Variants in ENPP1 observed in about 807,000 individuals in gnomAD.
The protein encoded by ENPP1 is ectonucleotide pyrophosphatase/phosphodiesterase family member 1.
Under a neutral mutation model 122.8 loss-of-function variants are expected in ENPP1, and 73 were observed. That is an observed-to-expected ratio of 0.59 (90% CI 0.49 to 0.72). The LOEUF (loss-of-function observed/expected upper bound fraction) is 0.72. Ranked by LOEUF, ENPP1 falls within the 30% of genes least tolerant of loss-of-function variation. The probability of loss-of-function intolerance (pLI) is 0.00; values close to 1 mark genes in which losing one functional copy is unlikely to be tolerated. For synonymous variants in ENPP1, 367 were observed against 391.6 expected (o/e 0.94, Z 0.74); for missense variants, 978 against 1,128.1 (o/e 0.87, Z 1.91).
Position 131,890,420 on chromosome 6 carries a change from C to G in ENPP1, c.2687C>G (p.Thr896Ser). The G allele has an allele frequency of 1.9e-6, 3 of 1,612,340 alleles. No individual in the cohort carries two copies. Among genetic ancestry groups the G allele is most frequent in the South Asian group, 2.2e-5 (2 of 91,034 alleles). ...RARITDVEHI[T>S]GLSFYQQRKE... is the part of the protein sequence containing the mutation. ...CGGATCACAGATGTTGAGCACATCA[C>G]TGGACTCAGCTTCTATCAACAAAGA... Residue 896 changes from threonine to serine, a missense_variant, in exon 25 of 25, where the codon ACT (threonine) becomes AGT (serine). Thr to Ser is a moderately conservative substitution (Grantham distance 58, BLOSUM62 1). This residue lies in a region of ENPP1 where 644 missense variants were observed against 781.5 expected (regional missense o/e 0.82). Coordinates refer to ENST00000647893, the MANE Select transcript of ENPP1 (RefSeq NM_006208.3).
Position 131,883,766 on chromosome 6 carries a change from G to T in ENPP1, c.2303G>T (p.Ser768Ile). 6.8e-7 allele frequency: 1 copy of T among 1,469,710 alleles called. No homozygotes were observed. Among genetic ancestry groups the T allele is most frequent in the Non-Finnish European group, 9.5e-7 (1 of 1,049,268 alleles). The allele number at this position is 1,469,710 out of a possible 1,614,324, so 91.0% of individuals were successfully genotyped here. A position where few individuals can be genotyped will look rare whatever the true frequency, so the allele number is the denominator to read the frequency against. Reference protein sequence around the residue: ...LTTNIVPMYQSFQVIWRYFHD... With the variant: ...LTTNIVPMYQIFQVIWRYFHD... Reference sequence around the variant, plus strand: ...ACAAATATAGTGCCAATGTACCAGAGTTTTCAAGGTAAATAATGTTAACTC... The same window carrying T: ...ACAAATATAGTGCCAATGTACCAGATTTTTCAAGGTAAATAATGTTAACTC... The change falls in exon 22 of 25, where the codon AGT becomes ATT. Residue 768 changes from serine to isoleucine, a missense_variant. Ser to Ile is a moderately radical substitution (Grantham distance 142, BLOSUM62 -2). Around this residue, in one of 3 missense-constraint regions of ENPP1, gnomAD observed 644 missense variants for 781.5 expected, o/e 0.82. Transcript: ENST00000647893.
intron 1 of ENPP1, among the ~76,000 whole-genome samples, chr6:131,842,178 G>A (rs954020266): frequency 3.3e-5 from 5 of 152,144 alleles, no homozygotes; most frequent in African/African-American, 1.2e-4. Context: ...TCTGTCTTGT[G>A]ATGTTATAGT....
In ENPP1 at chr6:131,868,159, A is replaced by G; in HGVS notation, c.1273+33A>G. 3 of 1,460,306 alleles carry G rather than the reference A, an allele frequency of 2.1e-6. 1 individual carries two copies. Among genetic ancestry groups the G allele is most frequent in the Non-Finnish European group, 1.9e-6 (2 of 1,040,212 alleles). The allele number at this position is 1,460,306 out of a possible 1,614,324, so 90.5% of individuals were successfully genotyped here. ...GAATTTGCATTATTTACTCTTCAGG[A>G]TAAAGGGCTGAAGAAAGTTTACTTG... is the stretch of plus-strand genomic sequence containing the variant. On this transcript the variant is annotated intron_variant, in intron 12 of 24. Coordinates refer to ENST00000647893, the MANE Select transcript of ENPP1 (RefSeq NM_006208.3).
chr6:131,864,718 G>C, intron 10 of ENPP1, 147 bp downstream of exon 10: 1 of 810,078 alleles, frequency 1.2e-6, no homozygotes, highest in Non-Finnish European at 2.1e-6. Flanking sequence ...ACCACATTTT[G>C]AAGAATTTCA....
Position 131,854,930 on chromosome 6 carries a change from GA to G in ENPP1, c.625del (p.Thr209ArgfsTer30), listed in dbSNP as rs766216956. ...INEPQCPAGF[E>X]TPPTLLFSLD... The stretch of plus-strand genomic sequence containing the variant: ...TTTTTCTTTTTCATTACCCAGGTTT[GA>G]AACGCCTCCTACCCTCTTATTTTCT... On this transcript the variant is annotated frameshift_variant, in exon 6 of 25. Coordinates refer to ENST00000647893, the MANE Select transcript of ENPP1 (RefSeq NM_006208.3). LOFTEE classifies it high-confidence loss of function. The G allele has an allele frequency of 6.2e-7, 1 of 1,611,194 alleles. No individual in the cohort carries two copies. The highest frequency in any genetic ancestry group is 1.1e-5 in the South Asian group (1 of 91,018).
At chr6:131,837,563 A>T (rs1196257186) in intron 1 of ENPP1, among the ~76,000 whole-genome samples, 1 of 151,574 alleles carries the variant, frequency 6.6e-6, no homozygotes, top group Non-Finnish European at 1.5e-5. Flanking sequence ...CCAACCAAAC[A>T]AACAAACCAA....
chr6:131,845,834 T>C (rs895573683), intron 1 of ENPP1, among the ~76,000 whole-genome samples: 2 of 152,220 alleles, frequency 1.3e-5, no homozygotes, highest in Admixed American at 1.3e-4. Context: ...TACTATTCTC[T>C]TCTGATACCT....
Position 131,889,982 on chromosome 6 carries a change from G to A in ENPP1, c.2608-359G>A, listed in dbSNP as rs143466987. ...TTGTTTTTTGACTTTTTAATAATAG[G>A]CATTCTGAGTGATTCTTTACATTAT... On this transcript the variant is annotated intron_variant, in intron 24 of 24. Transcript: ENST00000647893. 6.1e-3 allele frequency among the ~76,000 whole-genome samples: 911 copies of A among 149,636 alleles called. 9 individuals carry two copies. Among genetic ancestry groups the A allele is most frequent in the Non-Finnish European group, 7.3e-3 (487 of 66,536 alleles).
intron 1 of ENPP1, among the ~76,000 whole-genome samples, chr6:131,832,832 T>A (rs1781630887): frequency 6.6e-6 from 1 of 152,184 alleles, no homozygotes. Flanking sequence ...GTGGCCTCCG[T>A]GTAAGGGTAA....
At chr6:131,844,545 A>G (rs1781781612) in intron 1 of ENPP1, among the ~76,000 whole-genome samples, 1 of 152,202 alleles carries the variant, frequency 6.6e-6, no homozygotes, top group Non-Finnish European at 1.5e-5. Context: ...TGACGTTTTC[A>G]AAAAGTGGAT....
At chr6:131,857,221 C>T (rs556489934) in intron 6 of ENPP1, among the ~76,000 whole-genome samples, 39 of 131,142 alleles carry the variant, frequency 3.0e-4, no homozygotes, top group Middle Eastern at 3.7e-3. Flanking sequence ...ACTAGTTCAA[C>T]CATTGTGGAA....
intron 20 of ENPP1, among the ~76,000 whole-genome samples, chr6:131,882,054 TAAA>T (rs1562184896): frequency 2.0e-5 from 3 of 150,300 alleles, no homozygotes. Flanking sequence ...AATAAATAAA[TAAA>T]TATTTAAAAT....
chr6:131,864,606 C>A, intron 10 of ENPP1, 35 bp downstream of exon 10: 13 of 1,401,624 alleles, frequency 9.3e-6, no homozygotes, highest in Non-Finnish European at 1.3e-5. Flanking sequence ...GTAAATACTT[C>A]GTTTTGTAGA....
chr6:131,851,226 A>G lies in ENPP1; in HGVS notation c.515A>G (p.Asp172Gly). 3.1e-6 allele frequency: 5 copies of G among 1,614,132 alleles called. No individual in the cohort carries two copies. Among genetic ancestry groups the G allele is most frequent in the Non-Finnish European group, 4.2e-6 (5 of 1,179,988 alleles). Residue 172 changes from aspartate (D) to glycine (G), a missense_variant, in exon 4 of 25, where the codon GAC (aspartate) becomes GGC (glycine). Transcript: ENST00000647893. ...TGTGCCTGTTCAGATGACTGCAAGG[A>G]CAAGGGCGACTGCTGCATCAACTAC... ...SLCACSDDCKDKGDCCINYSS... is the reference protein window; with the variant it reads ...SLCACSDDCKGKGDCCINYSS...
chr6:131,845,495 C>T (rs1331619231), intron 1 of ENPP1, among the ~76,000 whole-genome samples: 10 of 132,178 alleles, frequency 7.6e-5, no homozygotes, highest in East Asian at 2.2e-4. Context: ...CTTGCTCTGT[C>T]GCCCAGGCTG....
chr6:131,858,466 T>G (rs941796075), intron 6 of ENPP1, among the ~76,000 whole-genome samples: 2 of 152,208 alleles, frequency 1.3e-5, no homozygotes, highest in Non-Finnish European at 2.9e-5. Context: ...TTTTTCTGAC[T>G]AAGAGAAAAA....
intron 11 of ENPP1, 35 bp from the exon 12 acceptor site, chr6:131,867,983 A>G: frequency 7.8e-7 from 1 of 1,284,784 alleles, no homozygotes; most frequent in Non-Finnish European, 1.1e-6. Flanking sequence ...TTAGTGTGGA[A>G]GGTATCACAT....
chr6:131,842,551 G>T (rs1281755796), intron 1 of ENPP1, among the ~76,000 whole-genome samples: 1 of 150,988 alleles, frequency 6.6e-6, no homozygotes, highest in Non-Finnish European at 1.5e-5. Context: ...TCAAACCTTT[G>T]TTTACTGACA....
At chr6:131,856,829 G>A (rs1781953347) in intron 6 of ENPP1, among the ~76,000 whole-genome samples, 3 of 151,476 alleles carry the variant, frequency 2.0e-5, no homozygotes, top group South Asian at 2.1e-4. Flanking sequence ...TGAGGGCTCT[G>A]TTCTGTTCCA....
Sources: allele counts gnomAD v4.1 joint callset (sites outside exome capture counted in the v4.1 genomes callset), GRCh38; gene constraint gnomAD v4.1.1; regional missense constraint gnomAD v4.1.1; transcripts MANE v1.5; gene names NCBI Gene and HGNC (gene_info 2026-07-23, HGNC 2026-07-21).